Variants in ERN1 observed in about 807,000 individuals in gnomAD.
ERN1 encodes the protein endoplasmic reticulum to nucleus signaling 1, also known as serine/threonine-protein kinase/endoribonuclease IRE1.
In ERN1, 39 loss-of-function variants were observed where a neutral mutation model predicts 113.1. The observed-to-expected ratio is 0.34, with a 90% confidence interval of 0.27 to 0.45. The LOEUF is 0.45. ERN1 is among the 20% of genes least tolerant of loss of function. ERN1 has a pLI of 1.00. For missense variants in ERN1, 976 were observed against 1,274.8 expected (o/e 0.77, Z 3.57); for synonymous variants, 507 against 515.9 (o/e 0.98, Z 0.23).
chr17:64,045,274 T>C, intron 20 of ERN1, 85 bp downstream of exon 20: 1 of 1,537,698 alleles, frequency 6.5e-7, no homozygotes, highest in Non-Finnish European at 8.9e-7. Context: ...CTGAACAGCC[T>C]GGAGCGGCCA....
At chr17:64,102,646 C>T (rs1914418468) in intron 1 of ERN1, 32 of 984,408 alleles carry the variant, frequency 3.3e-5, no homozygotes, top group Non-Finnish European at 3.9e-5. Flanking sequence ...TTGTGTGATA[C>T]TGAGCACAGC....
At chr17:64,075,018 G>C (rs903477875) in intron 5 of ERN1, 157 bp downstream of exon 5, 3 of 620,452 alleles carry the variant, frequency 4.8e-6, no homozygotes, top group African/African-American at 3.9e-5. Context: ...TTTCTTAATT[G>C]GTCAGCTGAT....
At chr17:64,112,570 T>C (rs1265032081) in intron 1 of ERN1, among the ~76,000 whole-genome samples, 1 of 152,160 alleles carries the variant, frequency 6.6e-6, no homozygotes, top group African/African-American at 2.4e-5. Flanking sequence ...GTTAAAAAGG[T>C]AGATTGTGGA....
At chr17:64,087,813 C>A (rs1913978575) in intron 2 of ERN1, among the ~76,000 whole-genome samples, 1 of 152,182 alleles carries the variant, frequency 6.6e-6, no homozygotes, top group Non-Finnish European at 1.5e-5. Flanking sequence ...AGAGCCTGCT[C>A]TTCCAGTTGC....
chr17:64,043,950 C>A lies in ERN1; in HGVS notation c.*38G>T. On this transcript the variant is annotated 3_prime_UTR_variant, in exon 22 of 22. Transcript: ENST00000433197. ...TAATTGTGGTGACCAGGCCCTCAGTCACAGCTGGGGCCACCAGAACAGAGG... is the reference window on the plus strand; with the variant it reads ...TAATTGTGGTGACCAGGCCCTCAGTAACAGCTGGGGCCACCAGAACAGAGG... The A allele has an allele frequency of 7.1e-7, 1 of 1,412,070 alleles. No individual in the cohort carries two copies. Among genetic ancestry groups the A allele is most frequent in the South Asian group, 1.2e-5 (1 of 82,892 alleles). 87.5% of individuals were successfully genotyped at this position (1,412,070 alleles called of 1,614,324 possible).
rs1912446949 is a variant in ERN1, at chr17:64,044,429, G to C, written c.2722-229C>G. Among the ~76,000 whole-genome samples, 1 of 152,220 alleles carries C rather than the reference G, an allele frequency of 6.6e-6. No homozygotes were observed. The highest frequency in any genetic ancestry group is 1.5e-5 in the Non-Finnish European group (1 of 68,034). On this transcript the variant is annotated intron_variant, in intron 21 of 21. Transcript: ENST00000433197. The surrounding 1 kb of genome is among the most constrained non-coding windows in gnomAD (Gnocchi z 4.1). ...GAGCAAGGCCCAGCCAGTCCAGGGG[G>C]TGCTCAGGCCTTCTGTGACAGTCAG...
At chr17:64,073,376 C>T (rs1464717708) in intron 5 of ERN1, among the ~76,000 whole-genome samples, 2 of 144,770 alleles carry the variant, frequency 1.4e-5, no homozygotes, top group African/African-American at 2.5e-5. Flanking sequence ...AGGGTTTCAC[C>T]GTGTTAGTCA....
rs771810301 is a variant in ERN1 at position 64,043,853 on chromosome 17, G to A, written c.*135C>T. 10 of 640,190 alleles carry A rather than the reference G, an allele frequency of 1.6e-5. No individual in the cohort carries two copies. The highest frequency in any genetic ancestry group is 2.2e-5 in the Non-Finnish European group (8 of 366,320). The allele number at this position is 640,190 out of a possible 1,614,324, so 39.7% of individuals were successfully genotyped here. A position where few individuals can be genotyped will look rare whatever the true frequency, so the allele number is the denominator to read the frequency against. On this transcript the variant is annotated 3_prime_UTR_variant, in exon 22 of 22. Coordinates refer to ENST00000433197, the MANE Select transcript of ERN1 (RefSeq NM_001433.5). ...GGGTCAGCACTGTCCTCTGTGGGCT[G>A]CAGAGCAGGCAGCTCAAGGCACTTG...
chr17:64,115,426 A>C (rs899686976), intron 1 of ERN1, among the ~76,000 whole-genome samples: 5 of 152,188 alleles, frequency 3.3e-5, no homozygotes, highest in Non-Finnish European at 7.3e-5. Flanking sequence ...TCCTGGCTTC[A>C]AGGGGTTTGC....
At chr17:64,081,414 G>A (rs1441791726) in intron 2 of ERN1, among the ~76,000 whole-genome samples, 2 of 152,158 alleles carry the variant, frequency 1.3e-5, no homozygotes, top group Non-Finnish European at 2.9e-5. Flanking sequence ...GTACAAAGAT[G>A]TGTACGTAGC....
At chr17:64,071,433 CA>C (rs1267742930) in intron 6 of ERN1, among the ~76,000 whole-genome samples, 2 of 150,806 alleles carry the variant, frequency 1.3e-5, no homozygotes, top group Non-Finnish European at 3.0e-5. Context: ...TTTTTTTGGG[CA>C]GGGGGGATGG....
chr17:64,103,225 G>A (rs1365530623), intron 1 of ERN1, among the ~76,000 whole-genome samples: 11 of 152,166 alleles, frequency 7.2e-5, no homozygotes, highest in African/African-American at 2.7e-4. Flanking sequence ...GCTGGACGTG[G>A]TGACTCACAC....
intron 4 of ERN1, among the ~76,000 whole-genome samples, chr17:64,078,980 T>C (rs532910737): frequency 1.3e-5 from 2 of 152,320 alleles, no homozygotes; most frequent in South Asian, 2.1e-4. Context: ...CATTCCAACC[T>C]GGGTGACAAA....
chr17:64,064,006 C>CTCAAGTAG lies in ERN1; in HGVS notation c.1059_1066dup (p.Arg356ThrfsTer3). 1 of 1,614,002 alleles carries CTCAAGTAG rather than the reference C, an allele frequency of 6.2e-7. No homozygotes were observed. The highest frequency in any genetic ancestry group is 8.5e-7 in the Non-Finnish European group (1 of 1,179,880). ...CTTACCTATCAGAAGCCAGTAATTC[C>CTCAAGTAG]TCAAGTAGTTGAGCTTGTTCTTGCT... is the stretch of plus-strand genomic sequence containing the variant. On this transcript the variant is annotated stop_gained and frameshift_variant, in exon 10 of 22. Transcript: ENST00000433197. LOFTEE classifies it high-confidence loss of function.
At chr17:64,050,606 C>T (rs1246251170) in intron 17 of ERN1, among the ~76,000 whole-genome samples, 1 of 152,130 alleles carries the variant, frequency 6.6e-6, no homozygotes, top group Non-Finnish European at 1.5e-5. Flanking sequence ...GCTCTCAAAT[C>T]GCTTAGGAAG....
At chr17:64,091,744 G>T (rs1479134828) in intron 2 of ERN1, among the ~76,000 whole-genome samples, 4 of 152,198 alleles carry the variant, frequency 2.6e-5, no homozygotes, top group African/African-American at 7.2e-5. Context: ...GCTGGGCAGG[G>T]GAGGGAGCCC....
chr17:64,123,771 T>A (rs973608531), intron 1 of ERN1, among the ~76,000 whole-genome samples: 5 of 152,104 alleles, frequency 3.3e-5, no homozygotes, highest in Admixed American at 1.3e-4. Flanking sequence ...TAAAAACATA[T>A]CTGTGTAGTG....
chr17:64,098,868 AAC>A (rs1914304859), intron 1 of ERN1, among the ~76,000 whole-genome samples: 1 of 152,202 alleles, frequency 6.6e-6, no homozygotes, highest in South Asian at 2.1e-4. Context: ...CTTAAAACAA[AAC>A]AAAAAAAATT....
At chr17:64,083,648 AGGTTT>A (rs923702515) in intron 2 of ERN1, among the ~76,000 whole-genome samples, 4 of 152,204 alleles carry the variant, frequency 2.6e-5, no homozygotes, top group African/African-American at 9.7e-5. Flanking sequence ...GCTGAAATCA[AGGTTT>A]GGTCTCCCAG....
Sources: gnomAD v4.1 joint callset for allele counts (sites outside exome capture counted in the v4.1 genomes callset) on GRCh38, gnomAD v4.1.1 for gene constraint, Gnocchi (gnomAD v3.1) non-coding constraint, MANE v1.5 for transcripts, NCBI Gene and HGNC (gene_info 2026-07-23, HGNC 2026-07-21) for gene names.